The following SGCA variants were observed in gnomAD, a reference collection of about 807,000 sequenced individuals.
SGCA encodes sarcoglycan alpha.
In SGCA, 34 loss-of-function variants were observed where a neutral mutation model predicts 38.1. The ratio of observed to expected loss-of-function variants is 0.89; its 90% CI spans 0.68 to 1.19. The LOEUF is 1.19. Among genes scored for constraint, SGCA ranks in the 50% most tolerant of loss-of-function variants. The pLI is 0.00. For missense variants in SGCA, 476 were observed against 524.9 expected (o/e 0.91, Z 0.91); for synonymous variants, 209 against 214.6 (o/e 0.97, Z 0.23).
Position 50,168,378 on chromosome 17 carries a change from C to T in SGCA, c.390C>T (p.Pro130=), listed in dbSNP as rs932963471. ...GTGTCCACCTGGCCTTCCCAGGCCC[C>T]CTGCTGCCATACCAAGCCGAGTTCC... The part of the protein sequence containing the change: ...LVLEIGDPEG[P]LLPYQAEFLV... The change falls in exon 5 of 10, where the codon CCC becomes CCT. Residue 130 remains proline, a synonymous_variant. Transcript: ENST00000262018. The T allele has an allele frequency of 3.2e-6, 5 of 1,572,852 alleles. No individual in the cohort carries two copies. Among genetic ancestry groups the T allele is most frequent in the Non-Finnish European group, 4.3e-6 (5 of 1,159,464 alleles).
intron 8 of SGCA, among the ~76,000 whole-genome samples, chr17:50,174,598 C>T (rs773584334): frequency 1.3e-5 from 2 of 151,812 alleles, no homozygotes; most frequent in African/African-American, 2.4e-5. Context: ...CCACCCGCTT[C>T]GGCCTCCCGA....
chr17:50,174,123 A>G (rs1306294219), intron 8 of SGCA, among the ~76,000 whole-genome samples: 3 of 152,152 alleles, frequency 2.0e-5, no homozygotes, highest in African/African-American at 7.2e-5. Flanking sequence ...GTTCAAGACC[A>G]GCCTGAACAA....
chr17:50,167,182 G>C lies in SGCA; in HGVS notation c.38-186G>C, dbSNP rs73334779. ...CTCCCTCGAATCCCGAAACCCAGAC[G>C]ATTAAAATGTCTAGCCCAGCAGGGC... On this transcript the variant is annotated intron_variant, in intron 1 of 9. Transcript: ENST00000262018. This position sits in a 1 kb window ranked among gnomAD's most constrained non-coding sequence, Gnocchi z 4.5. 1.3e-5 allele frequency among the ~76,000 whole-genome samples: 2 copies of C among 152,086 alleles called. No individual in the cohort carries two copies. The highest frequency in any genetic ancestry group is 2.4e-5 in the African/African-American group (1 of 41,404).
chr17:50,174,345 CATAAT>C (rs1033917417), intron 8 of SGCA, among the ~76,000 whole-genome samples: 2 of 151,956 alleles, frequency 1.3e-5, no homozygotes, highest in Non-Finnish European at 2.9e-5. Context: ...AATATAAAAA[CATAAT>C]ATAAAGCTCA....
intron 8 of SGCA, chr17:50,171,935 C>T (rs1397027577): frequency 2.2e-6 from 1 of 456,622 alleles, no homozygotes; most frequent in Non-Finnish European, 4.4e-6. Context: ...CGCTGTCTTG[C>T]TAGGGACACG....
chr17:50,171,798 T>A (rs769702957), intron 8 of SGCA: 4 of 456,626 alleles, frequency 8.8e-6, no homozygotes, highest in Non-Finnish European at 1.3e-5. Flanking sequence ...TAGCCCGTGG[T>A]GGAAACAGCC....
Position 50,167,280 on chromosome 17 carries a change from G to T in SGCA, c.38-88G>T. Reference sequence around the variant, plus strand: ...AAGCGCTTCTCTCGGTCCCTTAGGGGCTCCAAGGACTTGGTGGGGAAGGGA... The same window carrying T: ...AAGCGCTTCTCTCGGTCCCTTAGGGTCTCCAAGGACTTGGTGGGGAAGGGA... On this transcript the variant is annotated intron_variant, in intron 1 of 9. Coordinates refer to ENST00000262018, the MANE Select transcript of SGCA (RefSeq NM_000023.4). This position sits in a 1 kb window ranked among gnomAD's most constrained non-coding sequence, Gnocchi z 4.5. 1.3e-6 allele frequency: 2 copies of T among 1,585,866 alleles called. No individual in the cohort carries two copies. The highest frequency in any genetic ancestry group is 8.6e-7 in the Non-Finnish European group (1 of 1,159,604).
At chr17:50,173,448 TTGTCTGTC>T (rs67004890) in intron 8 of SGCA, among the ~76,000 whole-genome samples, 2 of 151,470 alleles carry the variant, frequency 1.3e-5, no homozygotes, top group Non-Finnish European at 2.9e-5. Flanking sequence ...TGCCTGCCGT[TTGTCTGTC>T]TGCCCAAGTG....
rs1801192 is a variant in SGCA at position 50,175,768 on chromosome 17, C to T, written c.*69C>T. On this transcript the variant is annotated 3_prime_UTR_variant, in exon 10 of 10. Coordinates refer to ENST00000262018, the MANE Select transcript of SGCA (RefSeq NM_000023.4). ...CCTTCTCTGTCCACACCACGAGTGGCACATCCCACCTGCTGATTCCAGCTC... is the reference window on the plus strand; with the variant it reads ...CCTTCTCTGTCCACACCACGAGTGGTACATCCCACCTGCTGATTCCAGCTC... The T allele has an allele frequency of 4.1e-5, 22 of 542,846 alleles. No individual in the cohort carries two copies. Among genetic ancestry groups the T allele is most frequent in the Non-Finnish European group, 5.7e-5 (16 of 282,932 alleles). The allele number at this position is 542,846 out of a possible 1,614,324, so 33.6% of individuals were successfully genotyped here.
chr17:50,167,592 C>T lies in SGCA; in HGVS notation c.168C>T (p.Pro56=), dbSNP rs1193836259. The T allele has an allele frequency of 1.9e-5, 31 of 1,613,524 alleles. No individual in the cohort carries two copies. Among genetic ancestry groups the T allele is most frequent in the Non-Finnish European group, 2.5e-5 (30 of 1,180,012 alleles). Residue 56 remains proline, a synonymous_variant, in exon 3 of 10, where the codon CCC becomes CCT. Transcript: ENST00000262018. The surrounding 1 kb of genome is among the most constrained non-coding windows in gnomAD (Gnocchi z 4.5). ...CCTCGCTTCCACCAGCTGTCCCACCCGCTGTCCACATCACCTACCACGCCC... is the reference window on the plus strand; with the variant it reads ...CCTCGCTTCCACCAGCTGTCCCACCTGCTGTCCACATCACCTACCACGCCC... The part of the protein sequence containing the change: ...LSLPEHVAVP[P]AVHITYHAHL...
Position 50,169,341 on chromosome 17 carries a change from G to T in SGCA, c.747+87G>T, listed in dbSNP as rs112838180. The T allele has an allele frequency of 3.3e-6, 4 of 1,198,512 alleles. No individual in the cohort carries two copies. In the African/African-American group the frequency reaches 4.6e-5, roughly 14 times the overall value. The allele number at this position is 1,198,512 out of a possible 1,614,324, so 74.2% of individuals were successfully genotyped here. A position where few individuals can be genotyped will look rare whatever the true frequency, so the allele number is the denominator to read the frequency against. ...CCCTCCCATGCTGCTTCCTATCTCC[G>T]TCTCTCTGATTGCTCCAGTCACCAT... On this transcript the variant is annotated intron_variant, in intron 6 of 9. Coordinates refer to ENST00000262018, the MANE Select transcript of SGCA (RefSeq NM_000023.4).
chr17:50,166,112 G>C (rs1472499574), intron 1 of SGCA, 35 bp downstream of exon 1: 1 of 1,574,820 alleles, frequency 6.3e-7, no homozygotes, highest in Non-Finnish European at 8.7e-7. Context: ...GGAGGCCCAG[G>C]ATGAGGGGGC....
Position 50,167,381 on chromosome 17 carries a change from G to T in SGCA, c.51G>T (p.Gly17=). 1 of 1,614,124 alleles carries T rather than the reference G, an allele frequency of 6.2e-7. No homozygotes were observed. Among genetic ancestry groups the T allele is most frequent in the Non-Finnish European group, 8.5e-7 (1 of 1,180,006 alleles). Residue 17 remains glycine (G), a synonymous_variant, in exon 2 of 10, where the codon GGG becomes GGT. Coordinates refer to ENST00000262018, the MANE Select transcript of SGCA (RefSeq NM_000023.4). The surrounding 1 kb of genome is among the most constrained non-coding windows in gnomAD (Gnocchi z 4.5). ...GGGTCCCCACAGTTCTCCTGGCAGG[G>T]CTGGGGGACACCGAGGCCCAGCAGA... The part of the protein sequence containing the change: ...WTPLLVVLLA[G]LGDTEAQQTT...
chr17:50,172,797 GTACGCTAAGTTGACT>G (rs140331153), intron 8 of SGCA, among the ~76,000 whole-genome samples: 10,104 of 152,238 alleles, frequency 0.066, 483 homozygotes, highest in African/African-American at 0.14. Flanking sequence ...GAACAGAGAT[GTACGCTAAGTTGACT>G]TACGCTAAGT....
rs1308676756 is a variant in SGCA, at chr17:50,170,235, G to A, written c.840G>A (p.Glu280=). Residue 280 remains glutamate (E), a synonymous_variant, in exon 7 of 10, where the codon GAG becomes GAA. Transcript: ENST00000262018. The part of the protein sequence containing the change: ...EHDPFFCPPT[E]APDRDFLVDA... The stretch of plus-strand genomic sequence containing the variant: ...ACCCGTTCTTCTGCCCACCCACTGA[G>A]GCCCCAGACCGTGACTTCTTGGTGG... 6.2e-7 allele frequency: 1 copy of A among 1,614,198 alleles called. No homozygotes were observed. The highest frequency in any genetic ancestry group is 1.7e-5 in the Admixed American group (1 of 60,032).
intron 8 of SGCA, chr17:50,172,005 T>C: frequency 2.2e-6 from 1 of 456,558 alleles, no homozygotes; most frequent in Non-Finnish European, 4.4e-6. Context: ...ATGGAGACAG[T>C]GGCGAAGTGC....
At chr17:50,170,766 A>C (rs914821604) in intron 8 of SGCA, 100 bp downstream of exon 8, 2 of 997,500 alleles carry the variant, frequency 2.0e-6, no homozygotes, top group Non-Finnish European at 1.6e-6. Context: ...AAAATAAATA[A>C]CTCCAGGGTG....
chr17:50,172,787 G>A (rs925962906), intron 8 of SGCA, among the ~76,000 whole-genome samples: 2 of 152,216 alleles, frequency 1.3e-5, no homozygotes, highest in Non-Finnish European at 2.9e-5. Context: ...TTTCCAAAGT[G>A]AACAGAGATG....
chr17:50,168,847 G>A (rs1289607365), intron 5 of SGCA, among the ~76,000 whole-genome samples: 2 of 152,008 alleles, frequency 1.3e-5, no homozygotes, highest in Admixed American at 6.6e-5. Flanking sequence ...GGGAGGGTAA[G>A]ACCCCCTAGA....
Sources: gnomAD v4.1 joint callset for allele counts (sites outside exome capture counted in the v4.1 genomes callset) on GRCh38, gnomAD v4.1.1 for gene constraint, Gnocchi (gnomAD v3.1) non-coding constraint, MANE v1.5 for transcripts, NCBI Gene and HGNC (gene_info 2026-07-23, HGNC 2026-07-21) for gene names.